The following CYBB variants were observed in gnomAD, a reference collection of about 807,000 sequenced individuals.
CYBB encodes cytochrome b-245 beta chain.
CYBB carries 5 observed loss-of-function variants against 46.5 expected under a neutral mutation model. The observed-to-expected ratio is 0.11, with a 90% CI of 0.06 to 0.23. CYBB has a LOEUF of 0.23. CYBB is among the 10% of genes least tolerant of loss of function. CYBB has a pLI of 1.00. For synonymous variants in CYBB, 183 were observed against 156.7 expected (o/e 1.17, Z -1.26); for missense variants, 307 against 428.3 (o/e 0.72, Z 2.50).
In CYBB at chrX:37,812,079, T is replaced by A. The variant is rs1447383102; in HGVS notation, c.*1162T>A. The A allele has an allele frequency of 4.5e-5, 5 of 112,311 alleles. No individual in the cohort carries two copies. The highest frequency in any genetic ancestry group is 1.9e-5 in the Non-Finnish European group (1 of 53,284). 9.3% of individuals were successfully genotyped at this position (112,311 alleles called of 1,213,427 possible). A position where few individuals can be genotyped will look rare whatever the true frequency, so the allele number is the denominator to read the frequency against. On this transcript the variant is annotated 3_prime_UTR_variant, in exon 13 of 13. Coordinates refer to ENST00000378588, the MANE Select transcript of CYBB (RefSeq NM_000397.4). ...AAATACACACACAAAATGGATCGCA[T>A]CTGTGTGACTAATGGTTTATTTGTA...
chrX:37,795,419 AC>A (rs782734162), intron 5 of CYBB, among the ~76,000 whole-genome samples: 1 of 111,158 alleles, frequency 9.0e-6, no homozygotes, highest in Non-Finnish European at 1.9e-5. Flanking sequence ...CCCTTGCTTG[AC>A]TTGTTTGTCT....
intron 3 of CYBB, among the ~76,000 whole-genome samples, chrX:37,788,208 T>C (rs1929116094): frequency 8.9e-6 from 1 of 111,956 alleles, no homozygotes; most frequent in African/African-American, 3.3e-5. Flanking sequence ...GATAGGACTA[T>C]GAAGACAGTG....
chrX:37,805,192 G>A (rs2061807516), intron 10 of CYBB, 24 bp downstream of exon 10: 7 of 1,202,555 alleles, frequency 5.8e-6, no homozygotes, highest in Middle Eastern at 2.3e-4. Context: ...TTTATCGGAG[G>A]GCCTTAGAGC....
intron 8 of CYBB, among the ~76,000 whole-genome samples, chrX:37,802,334 T>G (rs1455109104): frequency 2.7e-5 from 3 of 111,925 alleles, no homozygotes; most frequent in African/African-American, 9.7e-5. Flanking sequence ...TTTCCCTTAC[T>G]AGACTAGAGA....
chrX:37,793,970 A>C (rs2146810433), intron 5 of CYBB, among the ~76,000 whole-genome samples, 160 bp downstream of exon 5: 1 of 110,442 alleles, frequency 9.1e-6, no homozygotes, highest in South Asian at 3.8e-4. Context: ...ATAGAAAAAA[A>C]TGTCTCCCAC....
intron 4 of CYBB, among the ~76,000 whole-genome samples, chrX:37,792,725 T>A (rs1929223573): frequency 9.0e-6 from 1 of 111,329 alleles, no homozygotes; most frequent in South Asian, 3.7e-4. Flanking sequence ...AGACTTGTAC[T>A]CTGCCCTTAA....
In CYBB at chrX:37,804,047, C is replaced by T. The variant is rs1375083693; in HGVS notation, c.1068C>T (p.Arg356=). ...AAGACTTCTTTAGTATCCATATCCG[C>T]ATCGTTGGGGACTGGACAGAGGGGC... ...PEEDFFSIHI[R]IVGDWTEGLF... is the part of the protein sequence containing the mutation. The change falls in exon 9 of 13, where the codon CGC becomes CGT. Residue 356 remains arginine (R), a synonymous_variant. Transcript: ENST00000378588. 8.3e-7 allele frequency: 1 copy of T among 1,209,012 alleles called. No homozygotes were observed. Among genetic ancestry groups the T allele is most frequent in the Non-Finnish European group, 1.1e-6 (1 of 894,638 alleles).
rs782310730 is a variant in CYBB at position 37,793,823 on chromosome X, T to A, written c.483+13T>A. 5 of 1,192,422 alleles carry A rather than the reference T, an allele frequency of 4.2e-6. No homozygotes were observed. In the South Asian group the frequency reaches 8.8e-5, roughly 21 times the overall value. On this transcript the variant is annotated intron_variant, in intron 5 of 12. Coordinates refer to ENST00000378588, the MANE Select transcript of CYBB (RefSeq NM_000397.4). ...AAAGAGAATAAAGGTAAGCCTCTCA[T>A]TATCTGACTTAGATATTCTCTAGGC...
At chrX:37,787,293 G>GTTGCGTATAAATATCTAAATCAGATACA (rs1929091450) in intron 3 of CYBB, among the ~76,000 whole-genome samples, 1 of 112,248 alleles carries the variant, frequency 8.9e-6, no homozygotes, top group Non-Finnish European at 1.9e-5. Context: ...ATTTCTCCCA[G>GTTGCGTATAAATATCTAAATCAGATACA]TTGCGTATAA....
chrX:37,806,226 G>A (rs142855389), intron 10 of CYBB, among the ~76,000 whole-genome samples, 161 bp from the exon 11 acceptor site: 1 of 112,224 alleles, frequency 8.9e-6, no homozygotes, highest in East Asian at 2.8e-4. Flanking sequence ...GCAGGTTCAT[G>A]TAAACTACCC....
Position 37,792,090 on chromosome X carries a change from G to A in CYBB, c.337+31G>A, listed in dbSNP as rs782227983. 10 of 984,293 alleles carry A rather than the reference G, an allele frequency of 1.0e-5. No individual in the cohort carries two copies. In the Admixed American group the frequency reaches 1.3e-4, roughly 13 times the overall value. The allele number at this position is 984,293 out of a possible 1,213,427, so 81.1% of individuals were successfully genotyped here. On this transcript the variant is annotated intron_variant, in intron 4 of 12. Transcript: ENST00000378588. ...TTTATTAAAGAAAACTTGGAACCAG[G>A]GAGTTCCCTCTATTCATAGATACCT...
intron 2 of CYBB, among the ~76,000 whole-genome samples, 154 bp downstream of exon 2, chrX:37,782,337 C>T (rs1474709837): frequency 8.9e-6 from 1 of 112,400 alleles, no homozygotes; most frequent in African/African-American, 3.2e-5. Flanking sequence ...TCCTGGGCAA[C>T]AGTCACTTAA....
chrX:37,800,260 G>A (rs1346735275), intron 7 of CYBB, among the ~76,000 whole-genome samples: 2 of 111,315 alleles, frequency 1.8e-5, no homozygotes, highest in East Asian at 5.7e-4. Context: ...ATTCAGTGGG[G>A]CTCCATGGTA....
chrX:37,782,628 A>C lies in CYBB; in HGVS notation c.141+445A>C, dbSNP rs190910100. On this transcript the variant is annotated intron_variant, in intron 2 of 12. Transcript: ENST00000378588. ...ATCTTCAGAAAATAAATCTCTCTCT[A>C]CATATAAAGACTCGAGGAACTTGCT... is the stretch of plus-strand genomic sequence containing the variant. 2.0e-4 allele frequency among the ~76,000 whole-genome samples: 22 copies of C among 111,684 alleles called. No individual in the cohort carries two copies. In the East Asian group the frequency reaches 5.7e-3, roughly 29 times the overall value.
chrX:37,797,506 C>A (rs782522066), intron 6 of CYBB, among the ~76,000 whole-genome samples: 2 of 111,573 alleles, frequency 1.8e-5, no homozygotes, highest in African/African-American at 6.5e-5. Context: ...CTCATGGCTC[C>A]GTAGCAGCTG....
Position 37,783,350 on chromosome X carries a change from G to T in CYBB, c.142-140G>T, listed in dbSNP as rs35687444. ...TCCTAGCTAGCCCTAAAGGAAAACCGTTGGCTCTGAAGGACCTTCCTGTAC... is the reference window on the plus strand; with the variant it reads ...TCCTAGCTAGCCCTAAAGGAAAACCTTTGGCTCTGAAGGACCTTCCTGTAC... On this transcript the variant is annotated intron_variant, in intron 2 of 12. Coordinates refer to ENST00000378588, the MANE Select transcript of CYBB (RefSeq NM_000397.4). 6.1e-6 allele frequency: 3 copies of T among 493,057 alleles called. No individual in the cohort carries two copies. In the African/African-American group the frequency reaches 7.1e-5, roughly 12 times the overall value. 40.6% of individuals were successfully genotyped at this position (493,057 alleles called of 1,213,427 possible). A position where few individuals can be genotyped will look rare whatever the true frequency, so the allele number is the denominator to read the frequency against.
chrX:37,810,423 T>C (rs1929646113), intron 12 of CYBB, among the ~76,000 whole-genome samples: 1 of 112,313 alleles, frequency 8.9e-6, no homozygotes, highest in East Asian at 2.8e-4. Context: ...GAAGCCACAC[T>C]GAGTGGTTGG....
intron 11 of CYBB, among the ~76,000 whole-genome samples, chrX:37,809,057 CACAT>C (rs1929617118): frequency 2.7e-5 from 3 of 112,651 alleles, no homozygotes; most frequent in South Asian, 3.6e-4. Flanking sequence ...TGCACACACA[CACAT>C]ACACACACAC....
chrX:37,797,164 T>C (rs976550253), intron 6 of CYBB, among the ~76,000 whole-genome samples: 3 of 111,084 alleles, frequency 2.7e-5, no homozygotes, highest in African/African-American at 6.6e-5. Flanking sequence ...GAAAGCTGCA[T>C]TGGGCACTGC....
Sources: allele counts gnomAD v4.1 joint callset (sites outside exome capture counted in the v4.1 genomes callset), GRCh38; gene constraint gnomAD v4.1.1; transcripts MANE v1.5; gene names NCBI Gene and HGNC (gene_info 2026-07-23, HGNC 2026-07-21).